Variants in BANK1 observed in about 807,000 individuals in gnomAD.
BANK1 encodes B cell scaffold protein with ankyrin repeats 1.
In BANK1, 95 loss-of-function variants were observed where a neutral mutation model predicts 94.5. That is an observed-to-expected ratio of 1.00 (90% CI 0.85 to 1.19). The LOEUF (loss-of-function observed/expected upper bound fraction) is 1.19. Among genes scored for constraint, BANK1 ranks in the 50% most tolerant of loss-of-function variants. The probability of loss-of-function intolerance (pLI) is 0.00; values close to 1 mark genes in which losing one functional copy is unlikely to be tolerated. For synonymous variants in BANK1, 334 were observed against 308.4 expected (o/e 1.08, Z -0.87); for missense variants, 987 against 932.2 (o/e 1.06, Z -0.77).
chr4:102,000,850 T>A (rs1365575630), intron 7 of BANK1, among the ~76,000 whole-genome samples: 2 of 152,218 alleles, frequency 1.3e-5, no homozygotes, highest in Non-Finnish European at 2.9e-5. Context: ...GACTATAGGA[T>A]CCAACACATA....
intron 11 of BANK1, among the ~76,000 whole-genome samples, chr4:102,057,294 CTCTT>C (rs1470164068): frequency 2.6e-5 from 4 of 151,324 alleles, no homozygotes; most frequent in Admixed American, 6.6e-5. Flanking sequence ...CTCTCTTTCT[CTCTT>C]TCTCTCTCCC....
chr4:102,039,030 A>C (rs1406156102), intron 10 of BANK1, among the ~76,000 whole-genome samples: 1 of 152,140 alleles, frequency 6.6e-6, no homozygotes, highest in East Asian at 1.9e-4. Flanking sequence ...ATCTCTGCTT[A>C]TCTGAATAGT....
chr4:101,963,230 C>T (rs1312144110), intron 7 of BANK1, among the ~76,000 whole-genome samples: 1 of 152,104 alleles, frequency 6.6e-6, no homozygotes, highest in East Asian at 1.9e-4. Context: ...GCTATTCTCA[C>T]ACTTCTATTC....
chr4:101,992,983 C>T (rs1286724609), intron 7 of BANK1, among the ~76,000 whole-genome samples: 4 of 152,162 alleles, frequency 2.6e-5, no homozygotes, highest in Non-Finnish European at 5.9e-5. Flanking sequence ...ACCCTACAGT[C>T]GTCCTAAATG....
At chr4:102,004,887 T>C (rs891481868) in intron 7 of BANK1, among the ~76,000 whole-genome samples, 24 of 152,242 alleles carry the variant, frequency 1.6e-4, no homozygotes, top group African/African-American at 4.6e-4. Flanking sequence ...GTACCTCCAC[T>C]GCTTTAGTTG....
rs1379782323 is a variant in BANK1 at position 101,985,494 on chromosome 4, T to C, written c.1207-36020T>C. On this transcript the variant is annotated intron_variant, in intron 7 of 16. Transcript: ENST00000322953. ...TTAGTTTTCAAAATTTATTACTACTTAATAGTTATTAAATCCCCATAGTAG... is the reference window on the plus strand; with the variant it reads ...TTAGTTTTCAAAATTTATTACTACTCAATAGTTATTAAATCCCCATAGTAG... Among the ~76,000 whole-genome samples, 4 of 152,144 alleles carry C rather than the reference T, an allele frequency of 2.6e-5. No homozygotes were observed. In the East Asian group the frequency reaches 7.7e-4, roughly 29 times the overall value.
chr4:101,862,985 G>C (rs1727936279), intron 4 of BANK1, among the ~76,000 whole-genome samples: 1 of 151,846 alleles, frequency 6.6e-6, no homozygotes, highest in Non-Finnish European at 1.5e-5. Context: ...GCTTTTTTGT[G>C]ACATTTGGAT....
At chr4:101,856,100 A>C (rs1390296261) in intron 3 of BANK1, among the ~76,000 whole-genome samples, 1 of 152,186 alleles carries the variant, frequency 6.6e-6, no homozygotes, top group East Asian at 1.9e-4. Flanking sequence ...ACAGGGGCTC[A>C]CTGACCTTTG....
At chr4:101,804,141 C>T (rs4699260) in intron 1 of BANK1, among the ~76,000 whole-genome samples, 37,699 of 150,396 alleles carry the variant, frequency 0.25, 5,168 homozygotes, top group Non-Finnish European at 0.32. Context: ...AAAAAGCTAA[C>T]ATTTATCAAA....
At chr4:102,054,757 TG>T (rs149587756) in intron 11 of BANK1, among the ~76,000 whole-genome samples, 5,737 of 152,114 alleles carry the variant, frequency 0.038, 375 homozygotes, top group African/African-American at 0.13. Flanking sequence ...ACTGTGAAAA[TG>T]GGGAGGCTTA....
At chr4:101,796,513 C>G (rs1284703119) in intron 1 of BANK1, among the ~76,000 whole-genome samples, 1 of 152,034 alleles carries the variant, frequency 6.6e-6, no homozygotes, top group East Asian at 1.9e-4. Flanking sequence ...ATGAGTAAGT[C>G]TGGTGGTCCT....
At chr4:101,931,508 C>T (rs1267520793) in intron 7 of BANK1, among the ~76,000 whole-genome samples, 2 of 151,482 alleles carry the variant, frequency 1.3e-5, no homozygotes, top group Non-Finnish European at 3.0e-5. Flanking sequence ...ATTAAAACCA[C>T]ACCATTGGCT....
intron 7 of BANK1, among the ~76,000 whole-genome samples, chr4:101,974,544 A>C (rs184471420): frequency 1.2e-4 from 19 of 152,282 alleles, no homozygotes; most frequent in Non-Finnish European, 2.5e-4. Context: ...CACTGTGCCA[A>C]ATAATTCCAT....
At chr4:101,822,526 A>G (rs1415302779) in intron 1 of BANK1, among the ~76,000 whole-genome samples, 1 of 152,200 alleles carries the variant, frequency 6.6e-6, no homozygotes, top group African/African-American at 2.4e-5. Flanking sequence ...TTAAATTTGT[A>G]GTACATTATA....
chr4:101,839,948 T>A (rs1302123598), intron 2 of BANK1, among the ~76,000 whole-genome samples: 2,425 of 22,244 alleles, frequency 0.11, 70 homozygotes, highest in African/African-American at 0.36. Context: ...TTTTTTTTTT[T>A]TTTTTTTTTT....
In BANK1 at chr4:101,852,837, T is replaced by C. The variant is rs1017347174; in HGVS notation, c.470-2198T>C. Among the ~76,000 whole-genome samples, 3 of 152,122 alleles carry C rather than the reference T, an allele frequency of 2.0e-5. No homozygotes were observed. The East Asian group carries it at 5.8e-4, about 29-fold the overall frequency. The stretch of plus-strand genomic sequence containing the variant: ...AAATCTTTTTGTACATTTGTGATTA[T>C]GTCCCCAGGGTAAATAAAATAACTT... On this transcript the variant is annotated intron_variant, in intron 2 of 16. Coordinates refer to ENST00000322953, the MANE Select transcript of BANK1 (RefSeq NM_017935.5).
At chr4:101,833,731 C>A (rs1726715981) in intron 2 of BANK1, among the ~76,000 whole-genome samples, 1 of 152,114 alleles carries the variant, frequency 6.6e-6, no homozygotes, top group African/African-American at 2.4e-5. Context: ...TTTCCTATTT[C>A]CTCTAAGTAG....
intron 1 of BANK1, among the ~76,000 whole-genome samples, chr4:101,800,939 G>A (rs1725338210): frequency 6.6e-6 from 1 of 152,154 alleles, no homozygotes; most frequent in African/African-American, 2.4e-5. Context: ...TGTATTTTTA[G>A]TAGAGACGGG....
intron 7 of BANK1, among the ~76,000 whole-genome samples, chr4:101,924,474 T>A (rs1368655635): frequency 6.6e-6 from 1 of 151,806 alleles, no homozygotes; most frequent in East Asian, 1.9e-4. Flanking sequence ...TATAGTTTTT[T>A]AAAAGCTTTC....
Sources: gnomAD v4.1 joint callset for allele counts (sites outside exome capture counted in the v4.1 genomes callset) on GRCh38, gnomAD v4.1.1 for gene constraint, MANE v1.5 for transcripts, NCBI Gene and HGNC (gene_info 2026-07-23, HGNC 2026-07-21) for gene names.